Variants in MAPK10 observed in about 807,000 individuals in gnomAD.
MAPK10 encodes JNK3 alpha protein kinase.
MAPK10 carries 25 observed loss-of-function variants against 59.3 expected under a neutral mutation model. That is an observed-to-expected ratio of 0.42 (90% CI 0.31 to 0.59). MAPK10 has a LOEUF of 0.59. Among genes scored for constraint, MAPK10 ranks in the 20% least tolerant of loss-of-function variants. The probability of loss-of-function intolerance (pLI) is 0.15; values close to 1 mark genes in which losing one functional copy is unlikely to be tolerated. For synonymous variants in MAPK10, 190 were observed against 200.5 expected, an observed-to-expected ratio of 0.95 and a Z score of 0.44; for missense variants, 351 against 568.9, an observed-to-expected ratio of 0.62 and a Z score of 3.90.
chr4:86,378,922 G>A (rs748138838), intron 1 of MAPK10, among the ~76,000 whole-genome samples: 2 of 152,184 alleles, frequency 1.3e-5, no homozygotes, highest in African/African-American at 4.8e-5. Flanking sequence ...GGTGAGAAAG[G>A]CTTCATGGAA....
At chr4:86,135,700 G>C (rs56221994) in intron 4 of MAPK10, among the ~76,000 whole-genome samples, 4 of 152,032 alleles carry the variant, frequency 2.6e-5, no homozygotes, top group African/African-American at 7.3e-5. Flanking sequence ...TGACTTTGAC[G>C]AGCTGAGAGA....
intron 2 of MAPK10, among the ~76,000 whole-genome samples, chr4:86,291,185 A>G (rs982039700): frequency 3.3e-5 from 5 of 152,250 alleles, no homozygotes; most frequent in Admixed American, 2.6e-4. Flanking sequence ...AAATTAAGTC[A>G]TCTGTTCACT....
intron 1 of MAPK10, among the ~76,000 whole-genome samples, chr4:86,494,206 A>G (rs1754691544): frequency 6.6e-6 from 1 of 152,246 alleles, no homozygotes; most frequent in Admixed American, 6.5e-5. Flanking sequence ...AAGAGGATGC[A>G]GCGAGGTACA....
intron 2 of MAPK10, among the ~76,000 whole-genome samples, chr4:86,234,391 A>T (rs1190660568): frequency 2.0e-5 from 3 of 152,142 alleles, no homozygotes; most frequent in South Asian, 4.1e-4. Context: ...GTTAAAGTTG[A>T]TGTAATTAAT....
chr4:86,316,340 AAAC>A (rs1457900229), intron 2 of MAPK10, among the ~76,000 whole-genome samples: 10 of 152,198 alleles, frequency 6.6e-5, no homozygotes, highest in African/African-American at 7.2e-5. Context: ...AAAATTGACC[AAAC>A]AACTTAAAAC....
chr4:86,136,990 C>T (rs1436167373), intron 4 of MAPK10, among the ~76,000 whole-genome samples: 1 of 151,998 alleles, frequency 6.6e-6, no homozygotes, highest in African/African-American at 2.4e-5. Context: ...GCTAACTATC[C>T]TAAATATATA....
At chr4:86,498,463 T>G (rs937566551) in intron 1 of MAPK10, among the ~76,000 whole-genome samples, 15 of 152,178 alleles carry the variant, frequency 9.9e-5, no homozygotes, top group African/African-American at 3.6e-4. Context: ...TAAAACTTCA[T>G]CAAACTGAGT....
chr4:86,139,256 G>A (rs1227242160), intron 4 of MAPK10, among the ~76,000 whole-genome samples: 1 of 148,742 alleles, frequency 6.7e-6, no homozygotes, highest in African/African-American at 2.6e-5. Context: ...CAAAGCTGGA[G>A]GCATCACACT....
chr4:86,479,535 A>G (rs543541145), intron 1 of MAPK10, among the ~76,000 whole-genome samples: 1 of 150,688 alleles, frequency 6.6e-6, no homozygotes, highest in South Asian at 2.1e-4. Flanking sequence ...CCTATTCACC[A>G]TTCTCAACTA....
chr4:86,084,307 A>G (rs1178794027), intron 9 of MAPK10, among the ~76,000 whole-genome samples: 1 of 152,206 alleles, frequency 6.6e-6, no homozygotes, highest in African/African-American at 2.4e-5. Flanking sequence ...GGAAAAGAAG[A>G]AGTCAAGTAA....
At chr4:86,399,416 A>G (rs1743387709) in intron 1 of MAPK10, among the ~76,000 whole-genome samples, 1 of 152,090 alleles carries the variant, frequency 6.6e-6, no homozygotes, top group East Asian at 1.9e-4. Flanking sequence ...TTGAAAAGTA[A>G]CTGCTTATGT....
chr4:86,547,513 G>A (rs544239847), intron 1 of MAPK10, among the ~76,000 whole-genome samples: 7 of 152,190 alleles, frequency 4.6e-5, no homozygotes, highest in African/African-American at 7.2e-5. Flanking sequence ...CTCAGGACCT[G>A]CAGCCCGCCA....
intron 1 of MAPK10, among the ~76,000 whole-genome samples, chr4:86,437,192 CGACAGAGT>C (rs1748861692): frequency 7.4e-6 from 1 of 135,598 alleles, no homozygotes; most frequent in South Asian, 2.3e-4. Context: ...CCAGCCTGGG[CGACAGAGT>C]GAGACTCTGT....
intron 2 of MAPK10, among the ~76,000 whole-genome samples, chr4:86,338,448 T>A (rs1578490748): frequency 6.6e-6 from 1 of 152,180 alleles, no homozygotes; most frequent in African/African-American, 2.4e-5. Flanking sequence ...CAGATCACCC[T>A]GGTATTTGGG....
intron 9 of MAPK10, chr4:86,090,878 G>A (rs2149049281): frequency 6.6e-6 from 1 of 152,118 alleles, no homozygotes; most frequent in African/African-American, 2.4e-5. Flanking sequence ...ACCTGTCTGG[G>A]ACTTAGGAAA....
chr4:86,413,182 A>T (rs920951670), intron 1 of MAPK10, among the ~76,000 whole-genome samples: 2 of 151,872 alleles, frequency 1.3e-5, no homozygotes, highest in Non-Finnish European at 1.5e-5. Context: ...GGTCTGTTGG[A>T]GTTTGCTGGA....
intron 2 of MAPK10, among the ~76,000 whole-genome samples, chr4:86,347,005 T>C (rs1728644454): frequency 6.6e-6 from 1 of 152,158 alleles, no homozygotes; most frequent in African/African-American, 2.4e-5. Context: ...TCTTAAGATT[T>C]ATAAGTGACT....
chr4:86,423,165 A>T (rs749338328), intron 1 of MAPK10, among the ~76,000 whole-genome samples: 3 of 152,206 alleles, frequency 2.0e-5, no homozygotes, highest in Non-Finnish European at 4.4e-5. Context: ...AGAAGCAATT[A>T]TGGAGACAAA....
At chr4:86,132,568 T>C (rs996767709) in intron 4 of MAPK10, among the ~76,000 whole-genome samples, 1 of 152,152 alleles carries the variant, frequency 6.6e-6, no homozygotes, top group Non-Finnish European at 1.5e-5. Context: ...ATAAATAATA[T>C]AAGACAAGGG....
Sources: gnomAD v4.1 joint callset for allele counts (sites outside exome capture counted in the v4.1 genomes callset) on GRCh38, gnomAD v4.1.1 for gene constraint, MANE v1.5 for transcripts, NCBI Gene and HGNC (gene_info 2026-07-23, HGNC 2026-07-21) for gene names.